SEPTIN7: variants seen among roughly 807,000 people sequenced by gnomAD.
SEPTIN7 encodes the protein septin 7.
SEPTIN7 carries 10 observed loss-of-function variants against 63.3 expected under a neutral mutation model. That is an observed-to-expected ratio of 0.16 (90% CI 0.10 to 0.27). The LOEUF is 0.27. Ranked by LOEUF, SEPTIN7 falls within the 10% of genes least tolerant of loss-of-function variation. SEPTIN7 has a pLI of 1.00. For synonymous variants in SEPTIN7, 131 were observed against 165.3 expected (o/e 0.79, Z 1.59); for missense variants, 310 against 521.0 (o/e 0.59, Z 3.94).
At chr7:35,876,761 G>A (rs1311659326) in intron 6 of SEPTIN7, among the ~76,000 whole-genome samples, 2 of 152,082 alleles carry the variant, frequency 1.3e-5, no homozygotes, top group Admixed American at 1.3e-4. Flanking sequence ...CTGAGGTCAG[G>A]AGTTCAAGAC....
chr7:35,851,232 C>G (rs1784943325), intron 3 of SEPTIN7, among the ~76,000 whole-genome samples: 1 of 152,070 alleles, frequency 6.6e-6, no homozygotes, highest in African/African-American at 2.4e-5. Context: ...TGTTGTATTA[C>G]TGACTCTAGT....
At chr7:35,903,510 C>G (rs10246479) in intron 13 of SEPTIN7, among the ~76,000 whole-genome samples, 23,062 of 152,114 alleles carry the variant, frequency 0.15, 2,051 homozygotes, top group Middle Eastern at 0.23. Context: ...CCTCCTCCCC[C>G]CAGTTGTTGG....
intron 5 of SEPTIN7, 141 bp from the exon 6 acceptor site, chr7:35,873,500 T>C: frequency 1.4e-6 from 1 of 696,078 alleles, no homozygotes; most frequent in Non-Finnish European, 2.3e-6. Flanking sequence ...TTTATATTTT[T>C]GAATATATAG....
intron 3 of SEPTIN7, among the ~76,000 whole-genome samples, chr7:35,843,287 T>G (rs944972773): frequency 7.9e-5 from 12 of 152,292 alleles, no homozygotes; most frequent in African/African-American, 2.9e-4. Flanking sequence ...ATTCTTCTCA[T>G]GTGGATGCCC....
intron 4 of SEPTIN7, among the ~76,000 whole-genome samples, chr7:35,870,075 C>T (rs1293103053): frequency 6.6e-6 from 1 of 152,204 alleles, no homozygotes; most frequent in Admixed American, 6.5e-5. Flanking sequence ...TGATAGGATA[C>T]AGTCGGATCC....
intron 3 of SEPTIN7, among the ~76,000 whole-genome samples, chr7:35,834,099 C>CATACCTTT (rs909751411): frequency 1.3e-5 from 2 of 151,898 alleles, no homozygotes; most frequent in Admixed American, 1.3e-4. Flanking sequence ...TAATGCAGAG[C>CATACCTTT]ATACCTTTTC....
At chr7:35,801,862 AGCTCCAGTCACC>A (rs1393692554) in intron 1 of SEPTIN7, among the ~76,000 whole-genome samples, 3 of 151,806 alleles carry the variant, frequency 2.0e-5, no homozygotes, top group Admixed American at 2.0e-4. Flanking sequence ...CTGCAGCCGC[AGCTCCAGTCACC>A]GCGTCGCCTC....
chr7:35,914,642 TC>T, the SEPTIN7 span, among the ~76,000 whole-genome samples: 1 of 5,488 alleles, frequency 1.8e-4, no homozygotes. Flanking sequence ...TCTGTCCCTC[TC>T]TCTCTCTCTC....
chr7:35,854,616 G>A (rs1353505957), intron 3 of SEPTIN7, among the ~76,000 whole-genome samples: 1 of 152,222 alleles, frequency 6.6e-6, no homozygotes, highest in African/African-American at 2.4e-5. Flanking sequence ...ACCTGTGCCT[G>A]ATGCCTGCCT....
the SEPTIN7 span, among the ~76,000 whole-genome samples, chr7:35,915,445 C>A: frequency 6.6e-6 from 1 of 152,224 alleles, no homozygotes; most frequent in African/African-American, 2.4e-5. Context: ...AAAAGGCATT[C>A]AAACATTTTG....
At chr7:35,881,492 G>A (rs1434739680) in intron 7 of SEPTIN7, among the ~76,000 whole-genome samples, 1 of 145,424 alleles carries the variant, frequency 6.9e-6, no homozygotes, top group African/African-American at 2.5e-5. Flanking sequence ...TCAATTCCTT[G>A]TTTATTCTTT....
Position 35,872,771 on chromosome 7 carries a change from G to T in SEPTIN7, c.377+5G>T. ...TGCAGTGGATAATAGTAATTGGTAA[G>T]AAGGGTTTGTCCTCACAACTTTGCA... On this transcript the variant is annotated splice_donor_5th_base_variant and intron_variant, in intron 5 of 13. Coordinates refer to ENST00000350320, the MANE Select transcript of SEPTIN7 (RefSeq NM_001788.6). The T allele has an allele frequency of 6.3e-7, 1 of 1,598,890 alleles. No individual in the cohort carries two copies.
chr7:35,907,561 G>A (rs1226058874), downstream of SEPTIN7, among the ~76,000 whole-genome samples: 1 of 152,094 alleles, frequency 6.6e-6, no homozygotes, highest in Non-Finnish European at 1.5e-5. Context: ...TTATTCAATA[G>A]GTGGTAACTG....
chr7:35,842,455 C>T (rs1784455841), intron 3 of SEPTIN7, among the ~76,000 whole-genome samples: 1 of 151,812 alleles, frequency 6.6e-6, no homozygotes, highest in Admixed American at 6.6e-5. Context: ...CCATTTAAAG[C>T]AGTGGCTAAG....
intron 3 of SEPTIN7, among the ~76,000 whole-genome samples, chr7:35,860,709 G>T (rs1237824176): frequency 6.6e-6 from 1 of 152,160 alleles, no homozygotes; most frequent in Admixed American, 6.5e-5. Context: ...CAAAAAGTTG[G>T]CTTATAGTCT....
At chr7:35,915,504 T>C in the SEPTIN7 span, among the ~76,000 whole-genome samples, 10 of 152,374 alleles carry the variant, frequency 6.6e-5, no homozygotes, top group East Asian at 1.9e-3. Context: ...AATGTCATGT[T>C]ACTTACCTCT....
At chr7:35,827,411 T>C (rs1281543159) in intron 1 of SEPTIN7, among the ~76,000 whole-genome samples, 1 of 152,238 alleles carries the variant, frequency 6.6e-6, no homozygotes. Flanking sequence ...AATTACAGAC[T>C]ATGGTTGATT....
At chr7:35,803,938 A>G (rs1788165516) in intron 1 of SEPTIN7, among the ~76,000 whole-genome samples, 1 of 152,194 alleles carries the variant, frequency 6.6e-6, no homozygotes, top group African/African-American at 2.4e-5. Flanking sequence ...TGGACATTGC[A>G]CTTAATATTT....
the SEPTIN7 span, among the ~76,000 whole-genome samples, chr7:35,914,574 C>G: frequency 7.2e-5 from 11 of 151,990 alleles, no homozygotes; most frequent in African/African-American, 2.7e-4. Flanking sequence ...TTGGACTTGC[C>G]AGCTTCCACA....
Sources: gnomAD v4.1 joint callset for allele counts (sites outside exome capture counted in the v4.1 genomes callset) on GRCh38, gnomAD v4.1.1 for gene constraint, MANE v1.5 for transcripts, NCBI Gene and HGNC (gene_info 2026-07-23, HGNC 2026-07-21) for gene names.